ATAD2B: variants seen among roughly 807,000 people sequenced by gnomAD.
ATAD2B encodes the protein ATPase family AAA domain containing 2B.
Under a neutral mutation model 167.6 loss-of-function variants are expected in ATAD2B, and 40 were observed. The ratio of observed to expected loss-of-function variants is 0.24; its 90% confidence interval spans 0.19 to 0.31. The LOEUF is 0.31. Ranked by LOEUF, ATAD2B falls within the 10% of genes least tolerant of loss-of-function variation. ATAD2B has a pLI of 1.00. For synonymous variants in ATAD2B, 579 were observed against 596.5 expected, an observed-to-expected ratio of 0.97 and a Z score of 0.43; for missense variants, 1,242 against 1,757.2, an observed-to-expected ratio of 0.71 and a Z score of 5.24.
intron 8 of ATAD2B, among the ~76,000 whole-genome samples, chr2:23,870,522 G>C (rs894878049): frequency 2.6e-5 from 4 of 151,844 alleles, no homozygotes; most frequent in Non-Finnish European, 5.9e-5. Flanking sequence ...CTGAGCTCAA[G>C]TGATCTACCC....
At chr2:23,878,134 G>A (rs1164159875) in intron 7 of ATAD2B, among the ~76,000 whole-genome samples, 2 of 151,556 alleles carry the variant, frequency 1.3e-5, no homozygotes, top group African/African-American at 4.8e-5. Context: ...GCCAACATGT[G>A]TGGATCACCT....
intron 7 of ATAD2B, 48 bp downstream of exon 7, chr2:23,880,591 T>G: frequency 9.9e-7 from 1 of 1,009,188 alleles, no homozygotes; most frequent in Non-Finnish European, 1.5e-6. Context: ...TGGGGCAGAA[T>G]AAGTTACTCA....
chr2:23,877,243 T>C (rs1283580089), intron 7 of ATAD2B, among the ~76,000 whole-genome samples: 1 of 151,120 alleles, frequency 6.6e-6, no homozygotes, highest in East Asian at 2.0e-4. Context: ...AGAACCCAAC[T>C]CTAGTTTGAG....
the ATAD2B span, among the ~76,000 whole-genome samples, chr2:23,719,105 G>A: frequency 6.6e-6 from 1 of 152,276 alleles, no homozygotes; most frequent in Non-Finnish European, 1.5e-5. Context: ...GAACATAAAG[G>A]CACTACAGAG....
chr2:23,887,843 T>A lies in ATAD2B; in HGVS notation c.561A>T (p.Gln187His), dbSNP rs377691183. The A allele has an allele frequency of 3.7e-6, 6 of 1,600,082 alleles. No individual in the cohort carries two copies. The highest frequency in any genetic ancestry group is 1.4e-5 in the African/African-American group (1 of 73,980). ...ESVNQSLLFD[Q>H]LVNSTAEAVL... ...CTTGGCATTCATACCTATTTACTAG[T>A]TGATCAAATAACAAACTCTGGTTCA... Residue 187 changes from glutamine to histidine, a missense_variant, in exon 4 of 28, where the codon CAA becomes CAT. Physicochemically the swap from Gln to His is conservative, Grantham distance 24 (BLOSUM62 0). Around this residue, in one of 9 missense-constraint regions of ATAD2B, gnomAD observed 99 missense variants for 160.4 expected, o/e 0.62. Transcript: ENST00000238789.
chr2:23,738,693 A>AT, the ATAD2B span, among the ~76,000 whole-genome samples: 119 of 152,352 alleles, frequency 7.8e-4, 1 homozygote, highest in African/African-American at 2.8e-3. Context: ...AAATTCACAC[A>AT]TAACAATATT....
intron 21 of ATAD2B, among the ~76,000 whole-genome samples, chr2:23,785,103 A>AG (rs1254045131): frequency 1.3e-5 from 2 of 152,010 alleles, no homozygotes; most frequent in Non-Finnish European, 2.9e-5. Context: ...CAGACTTGCC[A>AG]GGGGGGAGGA....
intron 27 of ATAD2B, among the ~76,000 whole-genome samples, chr2:23,753,128 A>G (rs535011453): frequency 6.6e-6 from 1 of 152,314 alleles, no homozygotes; most frequent in Non-Finnish European, 1.5e-5. Context: ...AAGAAATTCT[A>G]TTCTACATCT....
At chr2:23,816,416 A>G (rs533876845) in intron 17 of ATAD2B, among the ~76,000 whole-genome samples, 35 of 152,354 alleles carry the variant, frequency 2.3e-4, no homozygotes, top group African/African-American at 8.4e-4. Context: ...GGGTCTATAA[A>G]TTATGGAATA....
chr2:23,794,508 G>A (rs546647945), intron 19 of ATAD2B, among the ~76,000 whole-genome samples: 2 of 152,204 alleles, frequency 1.3e-5, no homozygotes, highest in Non-Finnish European at 2.9e-5. Context: ...GGCTCCTCAG[G>A]GGTCCTTGGA....
At chr2:23,854,282 C>T (rs929657361) in intron 13 of ATAD2B, among the ~76,000 whole-genome samples, 2 of 151,938 alleles carry the variant, frequency 1.3e-5, no homozygotes, top group African/African-American at 4.8e-5. Flanking sequence ...AAAAAATAAA[C>T]TTCAGTCCAT....
At chr2:23,818,494 A>G (rs1686946182) in intron 17 of ATAD2B, among the ~76,000 whole-genome samples, 1 of 152,142 alleles carries the variant, frequency 6.6e-6, no homozygotes, top group African/African-American at 2.4e-5. Flanking sequence ...AAGAAGAAAA[A>G]AACTTACAAA....
intron 13 of ATAD2B, among the ~76,000 whole-genome samples, chr2:23,848,505 G>A (rs1336155791): frequency 1.3e-5 from 2 of 152,034 alleles, no homozygotes; most frequent in Non-Finnish European, 1.5e-5. Flanking sequence ...TATGACAATA[G>A]CACAAACCTC....
chr2:23,921,936 C>T (rs1335818531), intron 1 of ATAD2B, among the ~76,000 whole-genome samples: 1 of 152,110 alleles, frequency 6.6e-6, no homozygotes, highest in East Asian at 1.9e-4. Flanking sequence ...CCTCTTTAAC[C>T]CTCAATTTCG....
chr2:23,857,951 G>T (rs1693690195), intron 12 of ATAD2B, among the ~76,000 whole-genome samples: 1 of 151,514 alleles, frequency 6.6e-6, no homozygotes, highest in Non-Finnish European at 1.5e-5. Flanking sequence ...CACCACGTTA[G>T]TCAGGATGGT....
the ATAD2B span, among the ~76,000 whole-genome samples, chr2:23,735,968 G>C: frequency 6.6e-6 from 1 of 152,122 alleles, no homozygotes; most frequent in African/African-American, 2.4e-5. Flanking sequence ...ATAAGGGTAG[G>C]AGGGCAAAGG....
intron 7 of ATAD2B, among the ~76,000 whole-genome samples, chr2:23,876,833 C>T (rs1034686503): frequency 3.3e-5 from 5 of 151,418 alleles, no homozygotes; most frequent in African/African-American, 9.7e-5. Context: ...TTTGGGAGGC[C>T]GAGGCAGGTG....
chr2:23,845,570 ATTT>A (rs71402518), intron 13 of ATAD2B, among the ~76,000 whole-genome samples: 4,226 of 87,320 alleles, frequency 0.048, 40 homozygotes, highest in Non-Finnish European at 0.068. Context: ...GCATGCTGGA[ATTT>A]TTTTTTTTTT....
Position 23,751,979 on chromosome 2 carries a change from T to C in ATAD2B, c.*67A>G. On this transcript the variant is annotated 3_prime_UTR_variant, in exon 28 of 28. Coordinates refer to ENST00000238789, the MANE Select transcript of ATAD2B (RefSeq NM_017552.4). Reference sequence around the variant, plus strand: ...GCACATAATTGGTGCAATTTGAAATTGAATGGCTCAGAAGACTGCTCTGTG... The same window carrying C: ...GCACATAATTGGTGCAATTTGAAATCGAATGGCTCAGAAGACTGCTCTGTG... The C allele has an allele frequency of 8.1e-7, 1 of 1,241,994 alleles. No individual in the cohort carries two copies. The highest frequency in any genetic ancestry group is 1.3e-5 in the South Asian group (1 of 74,946). 76.9% of individuals were successfully genotyped at this position (1,241,994 alleles called of 1,614,324 possible).
Sources: gnomAD v4.1 joint callset for allele counts (sites outside exome capture counted in the v4.1 genomes callset) on GRCh38, gnomAD v4.1.1 for gene constraint, gnomAD v4.1.1 regional missense constraint, MANE v1.5 for transcripts, NCBI Gene and HGNC (gene_info 2026-07-23, HGNC 2026-07-21) for gene names.